Variants in EPHA6 observed in about 807,000 individuals in gnomAD.
EPHA6 encodes ephrin type-A receptor 6.
A neutral mutation model predicts 112.0 loss-of-function variants in EPHA6; 50 were observed. The observed-to-expected ratio is 0.45, with a 90% CI of 0.36 to 0.56. The LOEUF is 0.56. EPHA6 is among the 20% of genes least tolerant of loss of function. EPHA6 has a pLI of 0.00. For missense variants in EPHA6, 1,280 were observed against 1,417.4 expected (o/e 0.90, Z 1.56); for synonymous variants, 529 against 490.7 (o/e 1.08, Z -1.03).
intron 5 of EPHA6, among the ~76,000 whole-genome samples, chr3:97,364,281 G>C (rs1415126732): frequency 1.3e-5 from 2 of 151,616 alleles, no homozygotes; most frequent in Non-Finnish European, 2.9e-5. Context: ...ATTTTTTAAG[G>C]GGATTTTATG....
chr3:96,817,211 TGATGC>T (rs1399276148), intron 1 of EPHA6, among the ~76,000 whole-genome samples: 1 of 151,938 alleles, frequency 6.6e-6, no homozygotes, highest in African/African-American at 2.4e-5. Context: ...ACTTATAAAA[TGATGC>T]TTTTTACAGC....
chr3:97,413,315 C>G (rs2087866765), intron 6 of EPHA6, among the ~76,000 whole-genome samples: 1 of 151,858 alleles, frequency 6.6e-6, no homozygotes, highest in Admixed American at 6.6e-5. Flanking sequence ...GAAAAAAGTA[C>G]AGCCATTGGA....
intron 1 of EPHA6, among the ~76,000 whole-genome samples, chr3:96,864,613 G>T (rs1403881325): frequency 6.6e-6 from 1 of 152,060 alleles, no homozygotes; most frequent in African/African-American, 2.4e-5. Flanking sequence ...TAGCTTGATT[G>T]TAGCCATGGT....
intron 5 of EPHA6, among the ~76,000 whole-genome samples, chr3:97,295,968 A>C (rs189878390): frequency 1.3e-5 from 2 of 152,238 alleles, no homozygotes; most frequent in Non-Finnish European, 2.9e-5. Flanking sequence ...TGTGGGCACC[A>C]GTATTAGCAG....
At chr3:96,878,851 G>GAC (rs1195308040) in intron 2 of EPHA6, among the ~76,000 whole-genome samples, 3 of 151,996 alleles carry the variant, frequency 2.0e-5, no homozygotes, top group Non-Finnish European at 4.4e-5. Context: ...CATATAAAGT[G>GAC]AATATTCACA....
At chr3:97,640,029 A>G (rs2093986843) in intron 14 of EPHA6, among the ~76,000 whole-genome samples, 2 of 152,138 alleles carry the variant, frequency 1.3e-5, no homozygotes, top group Non-Finnish European at 2.9e-5. Flanking sequence ...TTCAGCACTT[A>G]AAATAGTAAA....
At chr3:97,577,091 A>G (rs1370570043) in intron 11 of EPHA6, among the ~76,000 whole-genome samples, 1 of 152,168 alleles carries the variant, frequency 6.6e-6, no homozygotes, top group Non-Finnish European at 1.5e-5. Context: ...ATCATGGCCT[A>G]CTGCAGACTC....
chr3:97,420,387 A>G (rs1392559178), intron 6 of EPHA6, among the ~76,000 whole-genome samples: 1 of 152,092 alleles, frequency 6.6e-6, no homozygotes, highest in Non-Finnish European at 1.5e-5. Flanking sequence ...TATTATAGAG[A>G]TTGGAAATAT....
intron 3 of EPHA6, among the ~76,000 whole-genome samples, chr3:97,109,607 G>A (rs1452218539): frequency 6.6e-6 from 1 of 152,152 alleles, no homozygotes; most frequent in Non-Finnish European, 1.5e-5. Flanking sequence ...GTACAGAGTT[G>A]TTTTTGTGCT....
chr3:97,281,102 T>C (rs1234513279), intron 5 of EPHA6, among the ~76,000 whole-genome samples: 5 of 152,280 alleles, frequency 3.3e-5, no homozygotes, highest in East Asian at 1.9e-4. Flanking sequence ...TGTTATCAGA[T>C]GACACTAGAG....
intron 3 of EPHA6, among the ~76,000 whole-genome samples, chr3:97,056,958 T>C (rs2045873848): frequency 6.6e-6 from 1 of 152,188 alleles, no homozygotes; most frequent in Admixed American, 6.5e-5. Context: ...CTAAATAAAT[T>C]ATACACTTCC....
chr3:97,581,632 A>G (rs770295525), intron 11 of EPHA6, among the ~76,000 whole-genome samples: 4 of 152,260 alleles, frequency 2.6e-5, no homozygotes, highest in Non-Finnish European at 5.9e-5. Context: ...TTGTCCTCAT[A>G]ACATCAAATT....
chr3:97,082,469 AT>A (rs2046753450), intron 3 of EPHA6, among the ~76,000 whole-genome samples: 1 of 151,854 alleles, frequency 6.6e-6, no homozygotes, highest in Non-Finnish European at 1.5e-5. Context: ...TATTTAAAAA[AT>A]TGTTTAGCAT....
intron 5 of EPHA6, among the ~76,000 whole-genome samples, chr3:97,285,248 T>G (rs1280361946): frequency 6.6e-6 from 1 of 152,168 alleles, no homozygotes; most frequent in Non-Finnish European, 1.5e-5. Context: ...ATATTTTGTT[T>G]GGCATATTTA....
chr3:97,230,869 C>G (rs2078504352), intron 4 of EPHA6, among the ~76,000 whole-genome samples: 1 of 152,060 alleles, frequency 6.6e-6, no homozygotes, highest in African/African-American at 2.4e-5. Context: ...TAAGTCAGTG[C>G]CTTCTTCATG....
At chr3:97,598,965 G>T (rs1308365574) in intron 12 of EPHA6, among the ~76,000 whole-genome samples, 1 of 151,578 alleles carries the variant, frequency 6.6e-6, no homozygotes, top group African/African-American at 2.4e-5. Flanking sequence ...ATTCTAACTG[G>T]TGTGAGATGG....
At chr3:97,542,886 A>G (rs1228568286) in intron 11 of EPHA6, among the ~76,000 whole-genome samples, 1 of 152,182 alleles carries the variant, frequency 6.6e-6, no homozygotes, top group African/African-American at 2.4e-5. Context: ...GGCTGCATAA[A>G]TGTCTTCTTG....
At chr3:97,638,224 G>A in intron 14 of EPHA6, 142 bp downstream of exon 14, 2 of 657,874 alleles carry the variant, frequency 3.0e-6, no homozygotes, top group Non-Finnish European at 5.0e-6. Flanking sequence ...TAATTGAGAA[G>A]TATTTGCTTT....
At chr3:96,845,263 A>G (rs998681200) in intron 1 of EPHA6, among the ~76,000 whole-genome samples, 3 of 152,038 alleles carry the variant, frequency 2.0e-5, no homozygotes, top group Non-Finnish European at 2.9e-5. Flanking sequence ...TTCAAATACA[A>G]TCAGTCTGTA....
Sources: gnomAD v4.1 joint callset for allele counts (sites outside exome capture counted in the v4.1 genomes callset) on GRCh38, gnomAD v4.1.1 for gene constraint, MANE v1.5 for transcripts, NCBI Gene and HGNC (gene_info 2026-07-23, HGNC 2026-07-21) for gene names.